The following HAPSTR1 variants were observed in gnomAD, a reference collection of about 807,000 sequenced individuals.
HAPSTR1 encodes the protein HUWE1-associated protein modifying stress responses 1.
At chr16:9,100,919 C>T in the HAPSTR1 span, among the ~76,000 whole-genome samples, 4 of 152,170 alleles carry the variant, frequency 2.6e-5, no homozygotes, top group African/African-American at 7.2e-5. Context: ...TCCTCTGTTT[C>T]TGCAGGGCTG....
the HAPSTR1 span, among the ~76,000 whole-genome samples, chr16:9,116,124 G>A: frequency 0.028 from 4,188 of 152,242 alleles, 67 homozygotes; most frequent in Middle Eastern, 0.071. Flanking sequence ...AATTTTAACA[G>A]TGACTCTTTT....
At chr16:9,113,096 T>C in the HAPSTR1 span, 4 of 151,854 alleles carry the variant, frequency 2.6e-5, no homozygotes, top group African/African-American at 9.7e-5. Flanking sequence ...GGTCTGATTG[T>C]TTATGTGGCT....
chr16:9,119,080 A>G, the HAPSTR1 span: 1 of 152,612 alleles, frequency 6.6e-6, no homozygotes, highest in Non-Finnish European at 1.5e-5. Context: ...AAACTTTAGC[A>G]TTTGTTACTT....
At chr16:9,097,028 C>T in the HAPSTR1 span, among the ~76,000 whole-genome samples, 1 of 152,168 alleles carries the variant, frequency 6.6e-6, no homozygotes, top group African/African-American at 2.4e-5. Flanking sequence ...CTGCAACCGC[C>T]TCCCTGGTTC....
the HAPSTR1 span, among the ~76,000 whole-genome samples, chr16:9,095,838 G>T: frequency 2.0e-5 from 3 of 152,144 alleles, no homozygotes; most frequent in African/African-American, 4.8e-5. Context: ...AGTAGGGTCA[G>T]ACTTGTCTTC....
chr16:9,116,406 C>T, the HAPSTR1 span, among the ~76,000 whole-genome samples: 3 of 152,162 alleles, frequency 2.0e-5, no homozygotes, highest in Non-Finnish European at 4.4e-5. Flanking sequence ...TATTTGTACA[C>T]CTAGCACGGT....
chr16:9,103,745 ACCTTCTG>A, the HAPSTR1 span: 1 of 155,918 alleles, frequency 6.4e-6, no homozygotes, highest in African/African-American at 2.4e-5. Context: ...GTAAGACTTG[ACCTTCTG>A]CCTGTCGTCC....
the HAPSTR1 span, chr16:9,092,056 G>A: frequency 2.0e-6 from 3 of 1,524,856 alleles, no homozygotes; most frequent in Non-Finnish European, 2.6e-6. Flanking sequence ...TGGAGGAGCG[G>A]AAGGAGGAGG....
the HAPSTR1 span, chr16:9,110,436 A>G: frequency 6.6e-6 from 1 of 152,182 alleles, no homozygotes; most frequent in Non-Finnish European, 1.5e-5. Flanking sequence ...AGGCAGCCTA[A>G]ACCAGTAAGA....
chr16:9,121,197 GC>G, the HAPSTR1 span: 1 of 152,208 alleles, frequency 6.6e-6, no homozygotes. Flanking sequence ...TAAGTGATCT[GC>G]CCGCCTTGGC....
the HAPSTR1 span, chr16:9,117,476 G>A: frequency 6.5e-6 from 1 of 154,162 alleles, no homozygotes; most frequent in Non-Finnish European, 1.4e-5. Context: ...TCTGGTGATT[G>A]TGTGATGTAA....
At chr16:9,104,662 G>T in the HAPSTR1 span, 1 of 152,204 alleles carries the variant, frequency 6.6e-6, no homozygotes, top group Non-Finnish European at 1.5e-5. Context: ...AGTTCAGGTT[G>T]TGTGGATGCA....
the HAPSTR1 span, among the ~76,000 whole-genome samples, chr16:9,097,504 C>G: frequency 6.6e-6 from 1 of 152,084 alleles, no homozygotes; most frequent in Admixed American, 6.5e-5. Flanking sequence ...GCCAAAGTGC[C>G]GGGATTATAA....
At chr16:9,093,153 A>G in the HAPSTR1 span, 1 of 785,010 alleles carries the variant, frequency 1.3e-6, no homozygotes. Context: ...CTCTAGCTAG[A>G]TCCACCGGAG....
At chr16:9,098,045 C>T in the HAPSTR1 span, among the ~76,000 whole-genome samples, 1 of 152,154 alleles carries the variant, frequency 6.6e-6, no homozygotes, top group Non-Finnish European at 1.5e-5. Flanking sequence ...AAGATGCTCC[C>T]CCAGGGCTGG....
chr16:9,108,340 ATATT>A, the HAPSTR1 span: 1 of 151,960 alleles, frequency 6.6e-6, no homozygotes, highest in African/African-American at 2.4e-5. Context: ...AATTTTCAAT[ATATT>A]TATTTTTGAT....
At chr16:9,116,507 GAT>G in the HAPSTR1 span, among the ~76,000 whole-genome samples, 1 of 152,110 alleles carries the variant, frequency 6.6e-6, no homozygotes, top group Non-Finnish European at 1.5e-5. Context: ...AAGGCCAGAT[GAT>G]ATGTTTATCC....
chr16:9,114,707 CT>C, the HAPSTR1 span, among the ~76,000 whole-genome samples: 1 of 152,178 alleles, frequency 6.6e-6, no homozygotes, highest in Admixed American at 6.5e-5. Context: ...TGCTAAAATA[CT>C]CTAGGCTTGG....
chr16:9,092,695 T>C, the HAPSTR1 span, among the ~76,000 whole-genome samples: 1 of 152,086 alleles, frequency 6.6e-6, no homozygotes, highest in African/African-American at 2.4e-5. Flanking sequence ...CCCTGATCTG[T>C]GCCCCTGAGC....
Sources: gnomAD v4.1 joint callset for allele counts (sites outside exome capture counted in the v4.1 genomes callset) on GRCh38, gnomAD v4.1.1 for gene constraint, MANE v1.5 for transcripts, NCBI Gene and HGNC (gene_info 2026-07-23, HGNC 2026-07-21) for gene names.